Variants in SUSD4 observed in about 807,000 individuals in gnomAD.
The protein encoded by SUSD4 is sushi domain containing 4.
A neutral mutation model predicts 50.5 loss-of-function variants in SUSD4; 41 were observed. The ratio of observed to expected loss-of-function variants is 0.81; its 90% CI spans 0.63 to 1.05. The LOEUF (loss-of-function observed/expected upper bound fraction) is 1.05. SUSD4 is among the 50% of genes least tolerant of loss of function. The probability of loss-of-function intolerance (pLI) is 0.00; values close to 1 mark genes in which losing one functional copy is unlikely to be tolerated. For missense variants in SUSD4, 580 were observed against 634.7 expected, an observed-to-expected ratio of 0.91 and a Z score of 0.93; for synonymous variants, 257 against 257.3, an observed-to-expected ratio of 1.00 and a Z score of 0.01.
chr1:223,316,010 G>A (rs1666167054), intron 2 of SUSD4, among the ~76,000 whole-genome samples: 1 of 152,136 alleles, frequency 6.6e-6, no homozygotes, highest in South Asian at 2.1e-4. Context: ...GAAGAAAAGG[G>A]GACACACAAG....
intron 3 of SUSD4, among the ~76,000 whole-genome samples, 191 bp downstream of exon 3, chr1:223,292,248 T>C (rs895440560): frequency 9.9e-5 from 15 of 152,220 alleles, no homozygotes; most frequent in African/African-American, 3.4e-4. Flanking sequence ...GACTATTACT[T>C]CTAATGCAGA....
At chr1:223,234,337 A>T (rs1450855738) in intron 5 of SUSD4, among the ~76,000 whole-genome samples, 1 of 152,098 alleles carries the variant, frequency 6.6e-6, no homozygotes, top group Non-Finnish European at 1.5e-5. Flanking sequence ...TTTAATTCCA[A>T]CACAAACACC....
intron 2 of SUSD4, among the ~76,000 whole-genome samples, chr1:223,347,023 C>CT (rs1267440516): frequency 5.3e-5 from 8 of 151,558 alleles, no homozygotes; most frequent in Non-Finnish European, 8.8e-5. Flanking sequence ...TAAGCTCCTA[C>CT]TTTTTTTTTC....
intron 2 of SUSD4, among the ~76,000 whole-genome samples, chr1:223,325,447 T>A (rs1666820119): frequency 6.6e-6 from 1 of 152,178 alleles, no homozygotes; most frequent in South Asian, 2.1e-4. Context: ...TAATGTTCTG[T>A]AAACCAGGTT....
chr1:223,360,388 C>T lies in SUSD4; in HGVS notation c.148+2890G>A, dbSNP rs553765184. On this transcript the variant is annotated intron_variant, in intron 2 of 8. Transcript: ENST00000366878. ...CACACGGCAGGGTCCTATATCTCCC[C>T]ACCAACCTAATATGAGTTCTTGCAC... The T allele has an allele frequency of 7.3e-4, 254 of 348,078 alleles. 1 individual carries two copies. Among genetic ancestry groups the T allele is most frequent in the South Asian group, 2.0e-3 (88 of 43,834 alleles). The allele number at this position is 348,078 out of a possible 1,614,324, so 21.6% of individuals were successfully genotyped here.
intron 2 of SUSD4, among the ~76,000 whole-genome samples, chr1:223,294,932 C>T (rs545284620): frequency 2.3e-4 from 35 of 152,306 alleles, no homozygotes; most frequent in African/African-American, 7.5e-4. Context: ...TCAACCATTT[C>T]CTTTCATCTG....
At chr1:223,222,828 C>A (rs566560650) in intron 8 of SUSD4, among the ~76,000 whole-genome samples, 2 of 152,310 alleles carry the variant, frequency 1.3e-5, no homozygotes, top group Admixed American at 1.3e-4. Flanking sequence ...CTAGTGCGTG[C>A]CTCTGGATCC....
chr1:223,235,111 G>T lies in SUSD4; in HGVS notation c.725-5723C>A, dbSNP rs770818685. Reference sequence around the variant, plus strand: ...GTTCAGGTCTTCCTCCTGAAAAAAAGAAGTGTAAATATGAAAACATAAGAA... The same window carrying T: ...GTTCAGGTCTTCCTCCTGAAAAAAATAAGTGTAAATATGAAAACATAAGAA... On this transcript the variant is annotated intron_variant, in intron 5 of 8. Coordinates refer to ENST00000366878, the MANE Select transcript of SUSD4 (RefSeq NM_017982.4). The T allele has an allele frequency of 5.0e-6, 8 of 1,590,656 alleles. No individual in the cohort carries two copies. The Admixed American group carries it at 5.7e-5, about 11-fold the overall frequency.
chr1:223,267,390 G>A (rs1417743715), intron 4 of SUSD4, among the ~76,000 whole-genome samples: 3 of 152,206 alleles, frequency 2.0e-5, no homozygotes, highest in African/African-American at 2.4e-5. Flanking sequence ...CACTCTGATC[G>A]TGTCGGAGGA....
intron 2 of SUSD4, among the ~76,000 whole-genome samples, chr1:223,310,167 C>CA (rs1211732778): frequency 1.3e-5 from 2 of 152,188 alleles, no homozygotes; most frequent in African/African-American, 4.8e-5. Flanking sequence ...TTTAACCAGA[C>CA]AGAGAGGTCA....
chr1:223,278,053 G>A (rs568022599), intron 3 of SUSD4, among the ~76,000 whole-genome samples: 31 of 152,246 alleles, frequency 2.0e-4, no homozygotes, highest in Non-Finnish European at 4.1e-4. Context: ...GATGCAGGTA[G>A]TCCTTGGCAC....
chr1:223,291,614 A>G (rs1477395848), intron 3 of SUSD4, among the ~76,000 whole-genome samples: 1 of 152,168 alleles, frequency 6.6e-6, no homozygotes, highest in Admixed American at 6.5e-5. Context: ...CCAAAATAAA[A>G]TCAGTGTTAA....
At position 223,344,150 on chromosome 1, in the gene SUSD4, T is replaced by C. The variant is rs575313400; in HGVS notation, c.148+19128A>G. 3.0e-3 allele frequency among the ~76,000 whole-genome samples: 454 copies of C among 152,312 alleles called. 1 individual carries two copies. The highest frequency in any genetic ancestry group is 4.7e-3 in the Non-Finnish European group (323 of 68,028). On this transcript the variant is annotated intron_variant, in intron 2 of 8. Coordinates refer to ENST00000366878, the MANE Select transcript of SUSD4 (RefSeq NM_017982.4). ...CAGAACTGTCTTCTCAATAAATATA[T>C]ACAGACAGCCTGACCACCTAAGAAA...
chr1:223,226,773 G>A (rs1356496922), intron 7 of SUSD4, among the ~76,000 whole-genome samples: 2 of 152,220 alleles, frequency 1.3e-5, no homozygotes, highest in Non-Finnish European at 2.9e-5. Flanking sequence ...GCCACAGAAG[G>A]CAAGGAAAAG....
Position 223,221,415 on chromosome 1 carries a change from T to C in SUSD4, c.*777A>G, listed in dbSNP as rs1191565852. ...GATGTATTTGAACACATTCTGACCA[T>C]GTGTAAAAACCACCAGATTTACCCA... On this transcript the variant is annotated 3_prime_UTR_variant, in exon 9 of 9. Coordinates refer to ENST00000366878, the MANE Select transcript of SUSD4 (RefSeq NM_017982.4). 1.6e-5 allele frequency: 4 copies of C among 250,586 alleles called. No individual in the cohort carries two copies. Among genetic ancestry groups the C allele is most frequent in the Non-Finnish European group, 3.0e-5 (4 of 132,422 alleles). The allele number at this position is 250,586 out of a possible 1,614,324, so 15.5% of individuals were successfully genotyped here.
intron 2 of SUSD4, among the ~76,000 whole-genome samples, chr1:223,353,100 C>T (rs1668456814): frequency 6.6e-6 from 1 of 152,192 alleles, no homozygotes; most frequent in Non-Finnish European, 1.5e-5. Flanking sequence ...CCTCTCAACA[C>T]CACAAGGACC....
chr1:223,282,849 G>A (rs1019342958), intron 3 of SUSD4, among the ~76,000 whole-genome samples: 1 of 152,148 alleles, frequency 6.6e-6, no homozygotes, highest in Non-Finnish European at 1.5e-5. Context: ...ATACTACAAG[G>A]CTACAGTAAC....
chr1:223,322,567 G>A (rs1666637067), intron 2 of SUSD4, among the ~76,000 whole-genome samples: 1 of 152,200 alleles, frequency 6.6e-6, no homozygotes, highest in Non-Finnish European at 1.5e-5. Context: ...TAAGATAAGA[G>A]GTGGCAAATG....
rs1449967593 is a variant in SUSD4 at position 223,363,161 on chromosome 1, T to C, written c.148+117A>G. 3.2e-6 allele frequency: 4 copies of C among 1,236,002 alleles called. No homozygotes were observed. The African/African-American group carries it at 4.6e-5, about 14-fold the overall frequency. The allele number at this position is 1,236,002 out of a possible 1,614,324, so 76.6% of individuals were successfully genotyped here. A position where few individuals can be genotyped will look rare whatever the true frequency, so the allele number is the denominator to read the frequency against. On this transcript the variant is annotated intron_variant, in intron 2 of 8. Coordinates refer to ENST00000366878, the MANE Select transcript of SUSD4 (RefSeq NM_017982.4). Reference sequence around the variant, plus strand: ...CTGGGACGCAGGCACCCTCGCGTTGTCAGATCCTCCTGAAGTCTGGGTGTA... The same window carrying C: ...CTGGGACGCAGGCACCCTCGCGTTGCCAGATCCTCCTGAAGTCTGGGTGTA...
Sources: allele counts gnomAD v4.1 joint callset (sites outside exome capture counted in the v4.1 genomes callset), GRCh38; gene constraint gnomAD v4.1.1; transcripts MANE v1.5; gene names NCBI Gene and HGNC (gene_info 2026-07-23, HGNC 2026-07-21).